Variants in ZBTB24 observed in about 807,000 individuals in gnomAD.
The protein encoded by ZBTB24 is zinc finger and BTB domain-containing protein 24.
In ZBTB24, 32 loss-of-function variants were observed where a neutral mutation model predicts 53.8. The observed-to-expected ratio is 0.60, with a 90% CI of 0.45 to 0.80. The LOEUF (loss-of-function observed/expected upper bound fraction) is 0.80. Ranked by LOEUF, ZBTB24 falls within the 30% of genes least tolerant of loss-of-function variation. The pLI is 0.00. For missense variants in ZBTB24, 722 were observed against 837.1 expected, an observed-to-expected ratio of 0.86 and a Z score of 1.70; for synonymous variants, 297 against 306.7, an observed-to-expected ratio of 0.97 and a Z score of 0.33.
chr6:109,463,833 GCTT>G lies in ZBTB24; in HGVS notation c.*2015_*2017del, dbSNP rs1775967156. 6.6e-6 allele frequency: 1 copy of G among 152,248 alleles called. No individual in the cohort carries two copies. The highest frequency in any genetic ancestry group is 1.5e-5 in the Non-Finnish European group (1 of 68,010). 9.4% of individuals were successfully genotyped at this position (152,248 alleles called of 1,614,324 possible). A position where few individuals can be genotyped will look rare whatever the true frequency, so the allele number is the denominator to read the frequency against. ...TAAACTTTTATTAACATTTTCACCT[GCTT>G]CTTTTTATGTTTTTAAAAGTTGCTA... is the stretch of plus-strand genomic sequence containing the variant. On this transcript the variant is annotated 3_prime_UTR_variant, in exon 7 of 7. Coordinates refer to ENST00000230122, the MANE Select transcript of ZBTB24 (RefSeq NM_014797.3).
intron 5 of ZBTB24, among the ~76,000 whole-genome samples, chr6:109,474,314 C>T (rs1776233233): frequency 6.6e-6 from 1 of 152,184 alleles, no homozygotes; most frequent in African/African-American, 2.4e-5. Flanking sequence ...CTCGTCATCT[C>T]TGAAACTGAT....
chr6:109,466,221 A>G lies in ZBTB24; in HGVS notation c.1724T>C (p.Ile575Thr), dbSNP rs1374197182. ...GTTTTGGGAACTCTCTGCAGTCACA[A>G]TGCTGATTCCCTGGCTAGGACCGGG... ...FMPGPSQGIS[I>T]VTAESSQNMT... The change falls in exon 7 of 7, where the codon ATT becomes ACT. Residue 575 changes from isoleucine (I) to threonine (T), a missense_variant. By Grantham distance (89) the Ile-to-Thr change is moderately conservative (BLOSUM62 -1). Coordinates refer to ENST00000230122, the MANE Select transcript of ZBTB24 (RefSeq NM_014797.3). 2.5e-6 allele frequency: 4 copies of G among 1,614,250 alleles called. No homozygotes were observed. The highest frequency in any genetic ancestry group is 1.3e-5 in the African/African-American group (1 of 75,070).
At chr6:109,468,753 C>T (rs1040953334) in intron 5 of ZBTB24, among the ~76,000 whole-genome samples, 5 of 152,092 alleles carry the variant, frequency 3.3e-5, no homozygotes, top group African/African-American at 1.2e-4. Flanking sequence ...GAATGAACTT[C>T]ATGGGAGTGG....
chr6:109,475,489 G>C lies in ZBTB24; in HGVS notation c.1205-7C>G, dbSNP rs755100372. The stretch of plus-strand genomic sequence containing the variant: ...CATTCCGGTAATGAGTGGCCTTGTC[G>C]CAACAATAAAAAAAGTGTCAGTGCA... On this transcript the variant is annotated splice_polypyrimidine_tract_variant and splice_region_variant and intron_variant, in intron 4 of 6. Transcript: ENST00000230122. 1 of 1,613,994 alleles carries C rather than the reference G, an allele frequency of 6.2e-7. No homozygotes were observed. Among genetic ancestry groups the C allele is most frequent in the Non-Finnish European group, 8.5e-7 (1 of 1,179,968 alleles).
chr6:109,467,555 A>T, intron 6 of ZBTB24, 98 bp downstream of exon 6: 1 of 1,593,586 alleles, frequency 6.3e-7, no homozygotes, highest in African/African-American at 1.4e-5. Flanking sequence ...CTGCAAAGTA[A>T]CAACTGGGAG....
At chr6:109,470,490 G>C (rs1776143204) in intron 5 of ZBTB24, among the ~76,000 whole-genome samples, 1 of 152,182 alleles carries the variant, frequency 6.6e-6, no homozygotes, top group Non-Finnish European at 1.5e-5. Flanking sequence ...TGGCATCACA[G>C]CTGGATTTCC....
chr6:109,479,091 G>C (rs571281378), intron 2 of ZBTB24, among the ~76,000 whole-genome samples: 42 of 152,242 alleles, frequency 2.8e-4, no homozygotes, highest in Admixed American at 4.6e-4. Context: ...AGAGAACAGA[G>C]AAAACAGAGA....
chr6:109,472,711 T>C (rs1776191781), intron 5 of ZBTB24, among the ~76,000 whole-genome samples: 1 of 152,164 alleles, frequency 6.6e-6, no homozygotes, highest in South Asian at 2.1e-4. Flanking sequence ...AATCTAATGA[T>C]CTACCCCACA....
intron 2 of ZBTB24, among the ~76,000 whole-genome samples, chr6:109,478,580 A>C (rs1206019211): frequency 6.6e-6 from 1 of 152,172 alleles, no homozygotes; most frequent in African/African-American, 2.4e-5. Context: ...GCGTGCCTGT[A>C]ATCCCAGCTA....
chr6:109,479,130 A>T (rs559527684), intron 2 of ZBTB24, among the ~76,000 whole-genome samples: 1 of 152,300 alleles, frequency 6.6e-6, no homozygotes, highest in East Asian at 1.9e-4. Context: ...ATAACTCAAG[A>T]TTTTCCAGAA....
intron 2 of ZBTB24, among the ~76,000 whole-genome samples, chr6:109,477,325 A>AT (rs896049402): frequency 5.0e-4 from 76 of 152,014 alleles, no homozygotes; most frequent in African/African-American, 1.7e-3. Flanking sequence ...TGTAATTTTA[A>AT]TTTTTTTTAG....
chr6:109,481,424 T>C lies in ZBTB24; in HGVS notation c.603A>G (p.Lys201=). The C allele has an allele frequency of 6.2e-7, 1 of 1,614,246 alleles. No homozygotes were observed. The highest frequency in any genetic ancestry group is 8.5e-7 in the Non-Finnish European group (1 of 1,180,044). Residue 201 remains lysine, a synonymous_variant, in exon 2 of 7, where the codon AAA becomes AAG. Transcript: ENST00000230122. ...SVQNRQNFVV[K]GDSGVLNEQI... is the part of the protein sequence containing the mutation. ...GCTCATTCAGTACACCACTGTCTCC[T>C]TTAACCACAAAGTTTTGTCTATTCT...
At position 109,467,654 on chromosome 6, in the gene ZBTB24, G is replaced by T. The variant is rs387907106; in HGVS notation, c.1369C>A (p.Arg457=). Residue 457 remains arginine, a splice_region_variant and synonymous_variant, in exon 6 of 7, where the codon CGA becomes AGA. Coordinates refer to ENST00000230122, the MANE Select transcript of ZBTB24 (RefSeq NM_014797.3). ...AGAAAAATATCTGCAAAACTTTACC[G>T]ATGGATTCTGATGTGGGTCTGAAGA... ...SSLQTHIRIH[R]GEKPYSCGIC... is the part of the protein sequence containing the mutation. 1 of 1,613,916 alleles carries T rather than the reference G, an allele frequency of 6.2e-7. No individual in the cohort carries two copies. The highest frequency in any genetic ancestry group is 2.2e-5 in the East Asian group (1 of 44,896).
Position 109,467,688 on chromosome 6 carries a change from T to C in ZBTB24, c.1335A>G (p.Ala445=). ...TCEICGKSFT[A]KSSLQTHIRI... is the part of the protein sequence containing the mutation. ...TGATGTGGGTCTGAAGAGAACTCTT[T>C]GCTGTGAAAGATTTGCCACAGATTT... Residue 445 remains alanine, a synonymous_variant, in exon 6 of 7, where the codon GCA becomes GCG. Transcript: ENST00000230122. 6.2e-7 allele frequency: 1 copy of C among 1,614,108 alleles called. No individual in the cohort carries two copies. Among genetic ancestry groups the C allele is most frequent in the Non-Finnish European group, 8.5e-7 (1 of 1,180,022 alleles).
intron 4 of ZBTB24, 43 bp from the exon 5 acceptor site, chr6:109,475,525 C>G: frequency 6.2e-7 from 1 of 1,601,758 alleles, no homozygotes; most frequent in Non-Finnish European, 8.6e-7. Flanking sequence ...TACATGCTCT[C>G]CCTGCCTTTT....
In ZBTB24 at chr6:109,478,024, T is replaced by C. The variant is rs536790812; in HGVS notation, c.953-1094A>G. Reference sequence around the variant, plus strand: ...GTGCCCTTAAACAAAGGCTGGAATGTAACAAAAGCCCACCAAGAGTTTCCC... The same window carrying C: ...GTGCCCTTAAACAAAGGCTGGAATGCAACAAAAGCCCACCAAGAGTTTCCC... On this transcript the variant is annotated intron_variant, in intron 2 of 6. Transcript: ENST00000230122. 3.1e-4 allele frequency among the ~76,000 whole-genome samples: 47 copies of C among 152,346 alleles called. 1 individual carries two copies. Among genetic ancestry groups the C allele is most frequent in the Admixed American group, 2.5e-3 (38 of 15,304 alleles).
chr6:109,465,728 T>C lies in ZBTB24; in HGVS notation c.*123A>G. ...GGGCATTATAAACATCAGTTAGCCA[T>C]CACAGCTCTCACAGAAGCATCTGCA... is the stretch of plus-strand genomic sequence containing the variant. On this transcript the variant is annotated 3_prime_UTR_variant, in exon 7 of 7. Coordinates refer to ENST00000230122, the MANE Select transcript of ZBTB24 (RefSeq NM_014797.3). 6.2e-7 allele frequency: 1 copy of C among 1,609,782 alleles called. No individual in the cohort carries two copies. Among genetic ancestry groups the C allele is most frequent in the Non-Finnish European group, 8.5e-7 (1 of 1,179,724 alleles).
Position 109,465,395 on chromosome 6 carries a change from T to A in ZBTB24, c.*456A>T. 2.0e-6 allele frequency: 1 copy of A among 501,464 alleles called. No homozygotes were observed. The highest frequency in any genetic ancestry group is 3.7e-5 in the Admixed American group (1 of 26,838). The allele number at this position is 501,464 out of a possible 1,614,324, so 31.1% of individuals were successfully genotyped here. A position where few individuals can be genotyped will look rare whatever the true frequency, so the allele number is the denominator to read the frequency against. ...TCATATTTAGCCCTGACTTGTCTTGTGGTAACAACTGTGTTGCCTAAGAAA... is the reference window on the plus strand; with the variant it reads ...TCATATTTAGCCCTGACTTGTCTTGAGGTAACAACTGTGTTGCCTAAGAAA... On this transcript the variant is annotated 3_prime_UTR_variant, in exon 7 of 7. Transcript: ENST00000230122.
Position 109,483,190 on chromosome 6 carries a change from C to G in ZBTB24, c.-121G>C, listed in dbSNP as rs967582819. The G allele has an allele frequency of 6.6e-6, 1 of 152,108 alleles. No homozygotes were observed. The highest frequency in any genetic ancestry group is 1.5e-5 in the Non-Finnish European group (1 of 68,122). 9.4% of individuals were successfully genotyped at this position (152,108 alleles called of 1,614,324 possible). On this transcript the variant is annotated 5_prime_UTR_variant, in exon 1 of 7. Coordinates refer to ENST00000230122, the MANE Select transcript of ZBTB24 (RefSeq NM_014797.3). ...GGCTTCTGCGCCGCACCGGTTTCTGCTCCTGCGCCGCCGCCGCAGCCACAG... is the reference window on the plus strand; with the variant it reads ...GGCTTCTGCGCCGCACCGGTTTCTGGTCCTGCGCCGCCGCCGCAGCCACAG...
Sources: allele counts gnomAD v4.1 joint callset (sites outside exome capture counted in the v4.1 genomes callset), GRCh38; gene constraint gnomAD v4.1.1; transcripts MANE v1.5; gene names NCBI Gene and HGNC (gene_info 2026-07-23, HGNC 2026-07-21).